Variants in POLR3E observed in about 807,000 individuals in gnomAD.
The protein encoded by POLR3E is DNA-directed RNA polymerase III subunit RPC5.
POLR3E carries 41 observed loss-of-function variants against 96.6 expected under a neutral mutation model. That is an observed-to-expected ratio of 0.42 (90% confidence interval 0.33 to 0.55). The LOEUF (loss-of-function observed/expected upper bound fraction) is 0.55, where lower values mean the gene tolerates loss of function less well. POLR3E is among the 20% of genes least tolerant of loss of function. The pLI is 0.06. For missense variants in POLR3E, 849 were observed against 952.1 expected, an observed-to-expected ratio of 0.89 and a Z score of 1.43; for synonymous variants, 396 against 383.6, an observed-to-expected ratio of 1.03 and a Z score of -0.38.
At chr16:22,319,745 G>A (rs2048433396) in intron 13 of POLR3E, among the ~76,000 whole-genome samples, 1 of 152,056 alleles carries the variant, frequency 6.6e-6, no homozygotes, top group Non-Finnish European at 1.5e-5. Context: ...ATATTTATGG[G>A]GGCAGTGTGA....
intron 1 of POLR3E, among the ~76,000 whole-genome samples, chr16:22,301,387 G>C (rs1432239959): frequency 6.6e-6 from 1 of 151,480 alleles, no homozygotes; most frequent in Non-Finnish European, 1.5e-5. Flanking sequence ...TTCGAGACCA[G>C]CCTGGCCAAT....
chr16:22,309,551 G>C (rs759227497), intron 6 of POLR3E, 41 bp downstream of exon 6: 1 of 1,350,862 alleles, frequency 7.4e-7, no homozygotes, highest in South Asian at 1.2e-5. Context: ...ACATGGCATT[G>C]GGGGGGGCTG....
chr16:22,298,432 G>A (rs755875206), intron 1 of POLR3E, among the ~76,000 whole-genome samples: 3 of 152,176 alleles, frequency 2.0e-5, no homozygotes, highest in Non-Finnish European at 4.4e-5. Context: ...TTAGCGTCCT[G>A]TCCTTACTCC....
At chr16:22,330,651 C>T (rs2048717865) in intron 19 of POLR3E, among the ~76,000 whole-genome samples, 1 of 152,192 alleles carries the variant, frequency 6.6e-6, no homozygotes. Flanking sequence ...ATTCTGGAAT[C>T]TCTGCTTCTT....
At chr16:22,329,953 A>T (rs1021264543) in intron 19 of POLR3E, among the ~76,000 whole-genome samples, 2 of 142,136 alleles carry the variant, frequency 1.4e-5, no homozygotes, top group African/African-American at 2.5e-5. Context: ...GCCCCCATTT[A>T]AAAAAAAAAA....
At chr16:22,298,341 G>C (rs1265993686) in intron 1 of POLR3E, among the ~76,000 whole-genome samples, 1 of 152,202 alleles carries the variant, frequency 6.6e-6, no homozygotes, top group African/African-American at 2.4e-5. Flanking sequence ...CGTTTGACTT[G>C]TGGCTTAGCG....
At chr16:22,315,938 G>T (rs1285632701) in intron 9 of POLR3E, among the ~76,000 whole-genome samples, 1 of 152,154 alleles carries the variant, frequency 6.6e-6, no homozygotes, top group African/African-American at 2.4e-5. Context: ...TAAGTGCTGG[G>T]ATTACAGGCG....
At position 22,313,870 on chromosome 16, in the gene POLR3E, C is replaced by T; in HGVS notation, c.472+143C>T. On this transcript the variant is annotated intron_variant, in intron 7 of 20. Coordinates refer to ENST00000299853, the MANE Select transcript of POLR3E (RefSeq NM_018119.4). The surrounding 1 kb of genome is among the most constrained non-coding windows in gnomAD (Gnocchi z 4.1). ...CTAGATGCCAGAAGCACCCACCCCA[C>T]AGTCGTGACAATCAAAAAGGTCACA... 1 of 698,596 alleles carries T rather than the reference C, an allele frequency of 1.4e-6. No homozygotes were observed. Among genetic ancestry groups the T allele is most frequent in the Non-Finnish European group, 2.5e-6 (1 of 403,052 alleles). 43.3% of individuals were successfully genotyped at this position (698,596 alleles called of 1,614,324 possible).
chr16:22,324,464 G>A, intron 15 of POLR3E, 39 bp from the exon 16 acceptor site: 3 of 1,610,690 alleles, frequency 1.9e-6, no homozygotes, highest in Non-Finnish European at 2.5e-6. Flanking sequence ...GGAGGGGAGG[G>A]GGCTGGCTGT....
chr16:22,308,434 A>G, intron 4 of POLR3E: 1 of 571,398 alleles, frequency 1.8e-6, no homozygotes, highest in African/African-American at 1.9e-5. Context: ...CTGATGAATG[A>G]GAGAATGGGG....
intron 10 of POLR3E, 148 bp from the exon 11 acceptor site, chr16:22,316,847 G>A: frequency 2.1e-6 from 2 of 975,250 alleles, no homozygotes; most frequent in Admixed American, 1.9e-5. Context: ...GAAAGAGATG[G>A]TCCACTTTTC....
chr16:22,321,509 T>C (rs1183482597), intron 13 of POLR3E, among the ~76,000 whole-genome samples: 1 of 152,224 alleles, frequency 6.6e-6, no homozygotes, highest in East Asian at 1.9e-4. Context: ...GCTTTTGCAA[T>C]GGCGCATCGC....
At chr16:22,304,489 C>G (rs1421106434) in intron 2 of POLR3E, among the ~76,000 whole-genome samples, 4 of 152,188 alleles carry the variant, frequency 2.6e-5, no homozygotes, top group Non-Finnish European at 5.9e-5. Flanking sequence ...GGAATGCTTC[C>G]TGCCCAAGTT....
chr16:22,311,316 G>A (rs904250557), intron 6 of POLR3E, among the ~76,000 whole-genome samples: 8 of 139,782 alleles, frequency 5.7e-5, no homozygotes, highest in African/African-American at 7.9e-5. Flanking sequence ...GCCTAAGTGT[G>A]CAGTCTGTAT....
At chr16:22,327,877 A>G (rs2048637249) in intron 18 of POLR3E, 1 of 152,308 alleles carries the variant, frequency 6.6e-6, no homozygotes. Context: ...GGTAGTAACC[A>G]TTATTGCTAC....
At chr16:22,298,615 A>G (rs760209265) in intron 1 of POLR3E, among the ~76,000 whole-genome samples, 1 of 152,152 alleles carries the variant, frequency 6.6e-6, no homozygotes, top group Non-Finnish European at 1.5e-5. Context: ...ACTTAACCAT[A>G]CTGCCGTTTA....
Position 22,328,522 on chromosome 16 carries a change from ACTG to A in POLR3E, c.1885_1887del (p.Ala629del). Reference sequence around the variant, plus strand: ...GGGCCTTGGTCAGTTTCCCCCCCAGACTGCTGCTTCCCCGGATGAGCAGAAGGT... The same window carrying A: ...GGGCCTTGGTCAGTTTCCCCCCCAGACTGCTTCCCCGGATGAGCAGAAGGT... On this transcript the variant is annotated inframe_deletion, in exon 19 of 21. Transcript: ENST00000299853. 1 of 1,613,918 alleles carries A rather than the reference ACTG, an allele frequency of 6.2e-7. No homozygotes were observed. Among genetic ancestry groups the A allele is most frequent in the Non-Finnish European group, 8.5e-7 (1 of 1,179,880 alleles).
intron 9 of POLR3E, among the ~76,000 whole-genome samples, chr16:22,315,752 A>G (rs1178423260): frequency 6.6e-6 from 1 of 151,902 alleles, no homozygotes; most frequent in Non-Finnish European, 1.5e-5. Context: ...GCTCACTGCA[A>G]CCTCCGCCTC....
chr16:22,302,686 C>G (rs1598232834), intron 1 of POLR3E: 1 of 500,034 alleles, frequency 2.0e-6, no homozygotes, highest in East Asian at 3.5e-5. Context: ...GCAGGTGCAG[C>G]CCACACTTGT....
Sources: allele counts gnomAD v4.1 joint callset (sites outside exome capture counted in the v4.1 genomes callset), GRCh38; gene constraint gnomAD v4.1.1; non-coding constraint Gnocchi (gnomAD v3.1); transcripts MANE v1.5; gene names NCBI Gene and HGNC (gene_info 2026-07-23, HGNC 2026-07-21).